The following CFAP299 variants were observed in gnomAD, a reference collection of about 807,000 sequenced individuals.
CFAP299 encodes cilia and flagella associated protein 299.
CFAP299 carries 21 observed loss-of-function variants against 27.0 expected under a neutral mutation model. The ratio of observed to expected loss-of-function variants is 0.78; its 90% CI spans 0.55 to 1.12. The LOEUF is 1.12. Among genes scored for constraint, CFAP299 ranks in the 50% most tolerant of loss-of-function variants. The pLI is 0.00. For synonymous variants in CFAP299, 104 were observed against 98.1 expected (o/e 1.06, Z -0.36); for missense variants, 310 against 276.6 (o/e 1.12, Z -0.86).
chr4:80,857,134 G>A (rs1340124975), intron 3 of CFAP299, among the ~76,000 whole-genome samples: 3 of 152,294 alleles, frequency 2.0e-5, no homozygotes, highest in African/African-American at 7.2e-5. Context: ...CTTGTAAGGT[G>A]GATTCCTAGG....
Position 80,402,419 on chromosome 4 carries a change from A to G in CFAP299, c.242+39535A>G, listed in dbSNP as rs150851261. Among the ~76,000 whole-genome samples, 940 of 152,280 alleles carry G rather than the reference A, an allele frequency of 6.2e-3. 2 individuals are homozygous for G. Among genetic ancestry groups the G allele is most frequent in the Middle Eastern group, 0.024 (7 of 294 alleles). On this transcript the variant is annotated intron_variant, in intron 2 of 5. Coordinates refer to ENST00000358105, the MANE Select transcript of CFAP299 (RefSeq NM_152770.3). ...TTCCCATGCTATTCTCATGATAGCG[A>G]ATAAGTATCATGAGATCTGATGGGT...
the CFAP299 span, among the ~76,000 whole-genome samples, chr4:80,327,102 C>T: frequency 1.6e-4 from 25 of 152,010 alleles, no homozygotes; most frequent in Non-Finnish European, 2.6e-4. Flanking sequence ...ACTAGTATGA[C>T]GCAGTGGATC....
At chr4:80,860,073 C>T (rs938401984) in intron 3 of CFAP299, among the ~76,000 whole-genome samples, 2 of 152,186 alleles carry the variant, frequency 1.3e-5, no homozygotes, top group African/African-American at 4.8e-5. Flanking sequence ...TTGGTCTTTT[C>T]ACATTGTCCC....
chr4:80,651,655 G>A (rs772639278), intron 3 of CFAP299, among the ~76,000 whole-genome samples: 5 of 151,018 alleles, frequency 3.3e-5, no homozygotes, highest in Non-Finnish European at 5.9e-5. Flanking sequence ...ATGAGCCACC[G>A]TGCCCGGGCG....
At position 80,396,541 on chromosome 4, in the gene CFAP299, T is replaced by C. The variant is rs151242012; in HGVS notation, c.242+33657T>C. ...GGAATATACAATGAATTCTTTTTAG[T>C]GTACATTAACCTGCTAGTAGATTTA... On this transcript the variant is annotated intron_variant, in intron 2 of 5. Transcript: ENST00000358105. 3.3e-5 allele frequency among the ~76,000 whole-genome samples: 5 copies of C among 152,324 alleles called. No homozygotes were observed. The East Asian group carries it at 9.6e-4, about 29-fold the overall frequency.
At chr4:80,502,671 CT>C (rs1179775115) in intron 2 of CFAP299, among the ~76,000 whole-genome samples, 1 of 151,934 alleles carries the variant, frequency 6.6e-6, no homozygotes, top group East Asian at 1.9e-4. Context: ...TCCGTGGATT[CT>C]TTTTTTGGCT....
intron 3 of CFAP299, among the ~76,000 whole-genome samples, chr4:80,585,029 C>T (rs1326316711): frequency 6.6e-6 from 1 of 152,032 alleles, no homozygotes; most frequent in African/African-American, 2.4e-5. Flanking sequence ...ATCAGATTTT[C>T]AGACAGAAAA....
chr4:80,366,957 G>A (rs1030309966), intron 2 of CFAP299, among the ~76,000 whole-genome samples: 2 of 152,118 alleles, frequency 1.3e-5, no homozygotes, highest in African/African-American at 4.8e-5. Context: ...AGAAAAAAAA[G>A]ACTACTTACT....
At chr4:80,821,177 C>T (rs150602231) in intron 3 of CFAP299, among the ~76,000 whole-genome samples, 23 of 152,252 alleles carry the variant, frequency 1.5e-4, no homozygotes, top group African/African-American at 5.3e-4. Flanking sequence ...AAACTTCATA[C>T]GCACTTTACC....
intron 3 of CFAP299, among the ~76,000 whole-genome samples, chr4:80,858,849 T>C (rs1365293822): frequency 6.6e-6 from 1 of 152,168 alleles, no homozygotes; most frequent in Non-Finnish European, 1.5e-5. Flanking sequence ...AATTTTGGAA[T>C]AGGTGTGGTG....
At chr4:80,717,100 C>T (rs912046858) in intron 3 of CFAP299, among the ~76,000 whole-genome samples, 18 of 152,014 alleles carry the variant, frequency 1.2e-4, no homozygotes, top group African/African-American at 4.1e-4. Context: ...CCAATGAATA[C>T]GACAGATACG....
At chr4:80,712,244 G>A (rs1001829185) in intron 3 of CFAP299, among the ~76,000 whole-genome samples, 1 of 152,126 alleles carries the variant, frequency 6.6e-6, no homozygotes, top group African/African-American at 2.4e-5. Flanking sequence ...TTCCTTCTCA[G>A]CATCTGCTCC....
intron 2 of CFAP299, among the ~76,000 whole-genome samples, chr4:80,461,729 G>A (rs1270657739): frequency 2.6e-5 from 4 of 152,076 alleles, no homozygotes; most frequent in Non-Finnish European, 5.9e-5. Flanking sequence ...ACTTTAGGTG[G>A]TTTACCAGTT....
chr4:80,359,168 G>T (rs1723421805), intron 1 of CFAP299, among the ~76,000 whole-genome samples: 1 of 152,078 alleles, frequency 6.6e-6, no homozygotes, highest in Non-Finnish European at 1.5e-5. Flanking sequence ...CTGGCTTGTA[G>T]AGTTTCTGCT....
chr4:80,878,415 A>T (rs1733528998), intron 4 of CFAP299, among the ~76,000 whole-genome samples: 3 of 152,100 alleles, frequency 2.0e-5, no homozygotes, highest in Non-Finnish European at 4.4e-5. Context: ...TTAGACAAGA[A>T]CTTCTCCATT....
At chr4:80,595,874 G>A (rs1018828265) in intron 3 of CFAP299, among the ~76,000 whole-genome samples, 99 of 152,306 alleles carry the variant, frequency 6.5e-4, no homozygotes, top group African/African-American at 2.3e-3. Context: ...TGAGGAGGAG[G>A]AACGTTCAGT....
chr4:80,628,291 T>G (rs1325976807), intron 3 of CFAP299, among the ~76,000 whole-genome samples: 2 of 151,900 alleles, frequency 1.3e-5, no homozygotes, highest in African/African-American at 4.8e-5. Flanking sequence ...GGCAGAAAAA[T>G]AAAATTAGAA....
intron 3 of CFAP299, among the ~76,000 whole-genome samples, chr4:80,783,210 AAAAT>A (rs1372392996): frequency 2.0e-5 from 3 of 152,074 alleles, no homozygotes; most frequent in African/African-American, 7.2e-5. Flanking sequence ...GAGTGGTTGA[AAAAT>A]AAAGTAAGAC....
chr4:80,867,815 G>A (rs1732834833), intron 3 of CFAP299, among the ~76,000 whole-genome samples: 1 of 152,118 alleles, frequency 6.6e-6, no homozygotes, highest in Non-Finnish European at 1.5e-5. Flanking sequence ...TGGAGTTCAA[G>A]GTGTCAACAT....
Sources: allele counts gnomAD v4.1 joint callset (sites outside exome capture counted in the v4.1 genomes callset), GRCh38; gene constraint gnomAD v4.1.1; transcripts MANE v1.5; gene names NCBI Gene and HGNC (gene_info 2026-07-23, HGNC 2026-07-21).